The following GBF1 variants were observed in gnomAD, a reference collection of about 807,000 sequenced individuals.
GBF1 encodes Golgi-specific brefeldin A-resistance guanine nucleotide exchange factor 1.
GBF1 carries 114 observed loss-of-function variants against 210.5 expected under a neutral mutation model. The ratio of observed to expected loss-of-function variants is 0.54; its 90% CI spans 0.47 to 0.63. The LOEUF (loss-of-function observed/expected upper bound fraction) is 0.63. Ranked by LOEUF, GBF1 falls within the 30% of genes least tolerant of loss-of-function variation. GBF1 has a pLI of 0.00. For missense variants in GBF1, 1,851 were observed against 2,357.7 expected, an observed-to-expected ratio of 0.79 and a Z score of 4.45; for synonymous variants, 850 against 889.2, an observed-to-expected ratio of 0.96 and a Z score of 0.78.
rs559459407 is a variant in GBF1 at position 102,296,995 on chromosome 10, A to G, written c.163+36879A>G. On this transcript the variant is annotated intron_variant, in intron 3 of 39. Transcript: ENST00000369983. ...GGGAGGCAGAGGTTGCAGTGAGCCTACGTCGCACTACTGTACTCCAGCCTG... is the reference window on the plus strand; with the variant it reads ...GGGAGGCAGAGGTTGCAGTGAGCCTGCGTCGCACTACTGTACTCCAGCCTG... Among the ~76,000 whole-genome samples the G allele has an allele frequency of 2.5e-3, 375 of 152,040 alleles. 1 individual carries two copies. The highest frequency in any genetic ancestry group is 8.6e-3 in the African/African-American group (355 of 41,468).
chr10:102,286,194 G>GTTTTTTTTGTT (rs1565060425), intron 3 of GBF1, among the ~76,000 whole-genome samples: 3 of 126,360 alleles, frequency 2.4e-5, no homozygotes, highest in African/African-American at 6.7e-5. Context: ...AAGCATAAGG[G>GTTTTTTTTGTT]TTTTTTTTTT....
At chr10:102,359,469 C>G in intron 11 of GBF1, 34 bp downstream of exon 11, 3 of 1,532,174 alleles carry the variant, frequency 2.0e-6, no homozygotes, top group Middle Eastern at 3.4e-4. Flanking sequence ...CAATTCACCT[C>G]CCCCATCCTA....
intron 3 of GBF1, among the ~76,000 whole-genome samples, chr10:102,321,058 A>G (rs952760939): frequency 6.6e-6 from 1 of 152,120 alleles, no homozygotes; most frequent in East Asian, 1.9e-4. Context: ...GGCCTCCCGA[A>G]GTGCTGGGAT....
intron 3 of GBF1, among the ~76,000 whole-genome samples, chr10:102,328,207 A>C (rs1488354891): frequency 6.6e-6 from 1 of 152,210 alleles, no homozygotes; most frequent in African/African-American, 2.4e-5. Flanking sequence ...AGACTTCTTA[A>C]TCTGGCTGGG....
At chr10:102,371,666 T>C (rs1036021206) in intron 29 of GBF1, among the ~76,000 whole-genome samples, 3 of 152,216 alleles carry the variant, frequency 2.0e-5, no homozygotes, top group African/African-American at 4.8e-5. Flanking sequence ...CTGTGGTTCA[T>C]GCCTGTAATC....
chr10:102,314,817 C>T (rs139783334), intron 3 of GBF1, among the ~76,000 whole-genome samples: 7 of 152,256 alleles, frequency 4.6e-5, no homozygotes, highest in African/African-American at 1.4e-4. Context: ...GCAGAGATGG[C>T]ATTAATATGA....
In GBF1 at chr10:102,363,085, A is replaced by G. The variant is rs1890060; in HGVS notation, c.1877-171A>G. 0.21 allele frequency among the ~76,000 whole-genome samples: 31,795 copies of G among 152,120 alleles called. 3,551 individuals carry two copies. Among genetic ancestry groups the G allele is most frequent in the South Asian group, 0.32 (1,540 of 4,822 alleles). Reference sequence around the variant, plus strand: ...TCTCTTCATTAAATTAGAGAATCTAATGCTTGGCTGGGACAGGGACTACTT... The same window carrying G: ...TCTCTTCATTAAATTAGAGAATCTAGTGCTTGGCTGGGACAGGGACTACTT... On this transcript the variant is annotated intron_variant, in intron 15 of 39. Transcript: ENST00000369983. This position sits in a 1 kb window ranked among gnomAD's most constrained non-coding sequence, Gnocchi z 4.2.
chr10:102,261,272 A>G (rs2134039858), intron 3 of GBF1, among the ~76,000 whole-genome samples: 2 of 152,064 alleles, frequency 1.3e-5, no homozygotes, highest in Middle Eastern at 6.8e-3. Context: ...TTTTATGTAT[A>G]TATATACACA....
At chr10:102,378,905 G>C (rs2060670475) in intron 33 of GBF1, among the ~76,000 whole-genome samples, 1 of 152,214 alleles carries the variant, frequency 6.6e-6, no homozygotes, top group Non-Finnish European at 1.5e-5. Flanking sequence ...CTGCACTCCA[G>C]CCTGGGTGAC....
At chr10:102,353,682 C>G in intron 8 of GBF1, 28 bp downstream of exon 8, 1 of 1,557,714 alleles carries the variant, frequency 6.4e-7, no homozygotes, top group Non-Finnish European at 8.9e-7. Flanking sequence ...ATCTGCTGTC[C>G]CTCATCCAAA....
rs368709060 is a variant in GBF1 at position 102,272,281 on chromosome 10, T to C, written c.163+12165T>C. On this transcript the variant is annotated intron_variant, in intron 3 of 39. Coordinates refer to ENST00000369983, the MANE Select transcript of GBF1 (RefSeq NM_001377137.1). ...CACCGCACATGGCTAATTTTTGTAT[T>C]GTTAGTAGAGACAGAGTTTCGCCAT... Among the ~76,000 whole-genome samples, 37 of 152,236 alleles carry C rather than the reference T, an allele frequency of 2.4e-4. 2 individuals are homozygous for C. Among genetic ancestry groups the C allele is most frequent in the Admixed American group, 1.4e-3 (21 of 15,288 alleles).
At chr10:102,324,807 C>G (rs1378992100) in intron 3 of GBF1, among the ~76,000 whole-genome samples, 1 of 152,166 alleles carries the variant, frequency 6.6e-6, no homozygotes, top group Non-Finnish European at 1.5e-5. Flanking sequence ...AGGCTGATCT[C>G]AAACTCTTGA....
At chr10:102,244,655 C>T (rs765194932), upstream of GBF1, among the ~76,000 whole-genome samples, 2 of 151,978 alleles carry the variant, frequency 1.3e-5, no homozygotes, top group Non-Finnish European at 1.5e-5. Flanking sequence ...GGATAAGGCC[C>T]GTCAAAGGCT....
At chr10:102,232,729 A>G in the GBF1 span, among the ~76,000 whole-genome samples, 1 of 152,142 alleles carries the variant, frequency 6.6e-6, no homozygotes, top group African/African-American at 2.4e-5. Flanking sequence ...TACATACCCT[A>G]TACTACATCT....
chr10:102,376,642 C>G lies in GBF1; in HGVS notation c.4130C>G (p.Thr1377Arg). 6.2e-7 allele frequency: 1 copy of G among 1,614,032 alleles called. No homozygotes were observed. The highest frequency in any genetic ancestry group is 8.5e-7 in the Non-Finnish European group (1 of 1,179,906). Residue 1377 changes from threonine (T) to arginine (R), a missense_variant, in exon 32 of 40, where the codon ACA becomes AGA. Coordinates refer to ENST00000369983, the MANE Select transcript of GBF1 (RefSeq NM_001377137.1). ...PSPLINQYSL[T>R]VGLDLGPHDT... ...CCCCTGATCAATCAATACAGCCTAA[C>G]AGTGGGACTGGATTTGGGGCCACAC...
chr10:102,267,159 T>C (rs2073945612), intron 3 of GBF1, among the ~76,000 whole-genome samples: 1 of 151,768 alleles, frequency 6.6e-6, no homozygotes, highest in Non-Finnish European at 1.5e-5. Context: ...AATGGGGAGG[T>C]GTAGAGAAAA....
intron 3 of GBF1, among the ~76,000 whole-genome samples, chr10:102,302,179 C>T (rs923360167): frequency 6.6e-6 from 1 of 152,264 alleles, no homozygotes; most frequent in East Asian, 1.9e-4. Context: ...GCAGGAGAAT[C>T]AGGCAGGGAG....
At chr10:102,291,101 T>C (rs2076394848) in intron 3 of GBF1, among the ~76,000 whole-genome samples, 2 of 152,224 alleles carry the variant, frequency 1.3e-5, no homozygotes, top group Non-Finnish European at 2.9e-5. Flanking sequence ...GGTTCTTTCA[T>C]AGCTGGATAG....
At chr10:102,235,291 A>T in the GBF1 span, among the ~76,000 whole-genome samples, 1 of 151,546 alleles carries the variant, frequency 6.6e-6, no homozygotes, top group Non-Finnish European at 1.5e-5. Context: ...TCTGCACTGG[A>T]TGCTGCTGAG....
Sources: allele counts gnomAD v4.1 joint callset (sites outside exome capture counted in the v4.1 genomes callset), GRCh38; gene constraint gnomAD v4.1.1; non-coding constraint Gnocchi (gnomAD v3.1); transcripts MANE v1.5; gene names NCBI Gene and HGNC (gene_info 2026-07-23, HGNC 2026-07-21).